Variants in CAPZA1 observed in about 807,000 individuals in gnomAD.
CAPZA1 encodes the protein F-actin-capping protein subunit alpha-1.
In CAPZA1, 10 loss-of-function variants were observed where a neutral mutation model predicts 40.8. The observed-to-expected ratio is 0.25, with a 90% CI of 0.15 to 0.42. CAPZA1 has a LOEUF of 0.42. Ranked by LOEUF, CAPZA1 falls within the 10% of genes least tolerant of loss-of-function variation. The pLI is 1.00. For synonymous variants in CAPZA1, 98 were observed against 115.0 expected, an observed-to-expected ratio of 0.85 and a Z score of 0.95; for missense variants, 277 against 353.8, an observed-to-expected ratio of 0.78 and a Z score of 1.74.
chr1:112,635,638 T>C (rs1050081595), intron 1 of CAPZA1, among the ~76,000 whole-genome samples: 2 of 150,492 alleles, frequency 1.3e-5, no homozygotes, highest in African/African-American at 4.9e-5. Flanking sequence ...GGTTTCCCCC[T>C]GTTAGCCAGC....
Position 112,662,055 on chromosome 1 carries a change from T to C in CAPZA1, c.585+2276T>C, listed in dbSNP as rs568666482. On this transcript the variant is annotated intron_variant, in intron 7 of 9. Coordinates refer to ENST00000263168, the MANE Select transcript of CAPZA1 (RefSeq NM_006135.3). The stretch of plus-strand genomic sequence containing the variant: ...AAATTTGTGTTAGTTAATTGAACCA[T>C]TTTCATATTAGCAGATGAGACCTAG... Among the ~76,000 whole-genome samples, 12 of 152,346 alleles carry C rather than the reference T, an allele frequency of 7.9e-5. No homozygotes were observed. In the South Asian group the frequency reaches 2.3e-3, roughly 29 times the overall value.
intron 1 of CAPZA1, among the ~76,000 whole-genome samples, chr1:112,626,800 G>C (rs542196629): frequency 2.6e-5 from 4 of 152,222 alleles, no homozygotes; most frequent in African/African-American, 9.6e-5. Flanking sequence ...ATTTATCTTT[G>C]GTACAACTGC....
At chr1:112,654,428 TTTACAG>T (rs756783191) in intron 4 of CAPZA1, 31 bp from the exon 5 acceptor site, 2 of 1,400,642 alleles carry the variant, frequency 1.4e-6, no homozygotes, top group Non-Finnish European at 2.0e-6. Context: ...AATTGTCTTT[TTTACAG>T]TTACTCATAT....
intron 1 of CAPZA1, among the ~76,000 whole-genome samples, chr1:112,621,588 G>C (rs551485430): frequency 6.6e-6 from 1 of 152,036 alleles, no homozygotes; most frequent in African/African-American, 2.4e-5. Flanking sequence ...AAACTTTTAA[G>C]TTTATTGTGC....
At chr1:112,664,389 A>G (rs1331620409) in intron 7 of CAPZA1, among the ~76,000 whole-genome samples, 1 of 152,160 alleles carries the variant, frequency 6.6e-6, no homozygotes, top group Non-Finnish European at 1.5e-5. Flanking sequence ...ACAAAGAGTA[A>G]GCCCCTGCTG....
chr1:112,659,809 A>T (rs751336161), intron 7 of CAPZA1, 30 bp downstream of exon 7: 37 of 1,539,666 alleles, frequency 2.4e-5, no homozygotes, highest in Admixed American at 8.5e-5. Flanking sequence ...ATAGACTTAA[A>T]ACTTCACATC....
At chr1:112,659,199 C>T (rs553989827) in intron 6 of CAPZA1, 98 bp downstream of exon 6, 3 of 781,594 alleles carry the variant, frequency 3.8e-6, no homozygotes, top group Admixed American at 4.2e-5. Context: ...ATTTAACTTA[C>T]AGACTTCAGT....
chr1:112,649,053 C>T (rs981848436), intron 2 of CAPZA1, among the ~76,000 whole-genome samples: 4 of 151,954 alleles, frequency 2.6e-5, no homozygotes, highest in African/African-American at 9.7e-5. Flanking sequence ...TTAAGAATTT[C>T]ACTCTTACTG....
intron 1 of CAPZA1, 67 bp downstream of exon 1, chr1:112,619,950 T>C (rs1670554340): frequency 1.5e-6 from 2 of 1,345,336 alleles, no homozygotes; most frequent in Admixed American, 3.9e-5. Context: ...CCCGGCTGCG[T>C]TGGGAGCCTA....
At chr1:112,654,959 T>A (rs953404010) in intron 5 of CAPZA1, among the ~76,000 whole-genome samples, 3 of 152,166 alleles carry the variant, frequency 2.0e-5, no homozygotes, top group Admixed American at 2.0e-4. Context: ...CTTTGGTTTT[T>A]CTTTTTTTCT....
chr1:112,650,747 A>C (rs116592032), intron 3 of CAPZA1, among the ~76,000 whole-genome samples: 58 of 152,348 alleles, frequency 3.8e-4, no homozygotes, highest in Admixed American at 1.1e-3. Context: ...GTTGAGTATC[A>C]CCTAAGTGTC....
At position 112,645,656 on chromosome 1, in the gene CAPZA1, T is replaced by C. The variant is rs966186312; in HGVS notation, c.40-1554T>C. On this transcript the variant is annotated intron_variant, in intron 1 of 9. Transcript: ENST00000263168. Reference sequence around the variant, plus strand: ...CTCTGAGAAAAAATAACTACAAAAATTAAATAAGTAGTTAGTGTCCTCATA... The same window carrying C: ...CTCTGAGAAAAAATAACTACAAAAACTAAATAAGTAGTTAGTGTCCTCATA... Among the ~76,000 whole-genome samples, 10 of 147,034 alleles carry C rather than the reference T, an allele frequency of 6.8e-5. No individual in the cohort carries two copies. In the South Asian group the frequency reaches 8.5e-4, roughly 13 times the overall value.
At position 112,619,988 on chromosome 1, in the gene CAPZA1, T is replaced by G. The variant is rs1670560601; in HGVS notation, c.39+105T>G. On this transcript the variant is annotated intron_variant, in intron 1 of 9. Transcript: ENST00000263168. ...AGTGTCCCCAGGAAAAAGAAGCTTC[T>G]TGGTCCATGCTGACATACGCTCTCC... 7 of 913,284 alleles carry G rather than the reference T, an allele frequency of 7.7e-6. No individual in the cohort carries two copies. The East Asian group carries it at 1.9e-4, about 25-fold the overall frequency. 56.6% of individuals were successfully genotyped at this position (913,284 alleles called of 1,614,324 possible). A position where few individuals can be genotyped will look rare whatever the true frequency, so the allele number is the denominator to read the frequency against.
intron 1 of CAPZA1, chr1:112,634,922 A>G (rs1039775926): frequency 2.0e-5 from 3 of 152,210 alleles, no homozygotes. Flanking sequence ...ATAGTACCTC[A>G]TAATAATCTT....
At chr1:112,639,528 A>G (rs751608806) in intron 1 of CAPZA1, among the ~76,000 whole-genome samples, 29 of 152,120 alleles carry the variant, frequency 1.9e-4, no homozygotes, top group Admixed American at 4.6e-4. Flanking sequence ...ATGAGGTACT[A>G]TGGGGATATG....
chr1:112,648,943 A>G (rs910434233), intron 2 of CAPZA1, among the ~76,000 whole-genome samples: 2 of 150,834 alleles, frequency 1.3e-5, no homozygotes, highest in Non-Finnish European at 2.9e-5. Flanking sequence ...AGCCTAGGCG[A>G]CAGGAGTGAG....
At chr1:112,664,435 CTT>C (rs1184608070) in intron 7 of CAPZA1, among the ~76,000 whole-genome samples, 1 of 152,100 alleles carries the variant, frequency 6.6e-6, no homozygotes, top group Non-Finnish European at 1.5e-5. Context: ...GAATTTCTAA[CTT>C]TTTGACAAAA....
At chr1:112,623,665 G>A (rs559210790) in intron 1 of CAPZA1, among the ~76,000 whole-genome samples, 1 of 138,176 alleles carries the variant, frequency 7.2e-6, no homozygotes, top group Non-Finnish European at 1.6e-5. Flanking sequence ...TGGGCAACAG[G>A]AGCGAAACTC....
At chr1:112,637,418 A>T (rs1671042247) in intron 1 of CAPZA1, among the ~76,000 whole-genome samples, 1 of 152,236 alleles carries the variant, frequency 6.6e-6, no homozygotes. Flanking sequence ...CAGTGGGCCA[A>T]ATCCAGTCCA....
Sources: gnomAD v4.1 joint callset for allele counts (sites outside exome capture counted in the v4.1 genomes callset) on GRCh38, gnomAD v4.1.1 for gene constraint, MANE v1.5 for transcripts, NCBI Gene and HGNC (gene_info 2026-07-23, HGNC 2026-07-21) for gene names.